The following TENT5B variants were observed in gnomAD, a reference collection of about 807,000 sequenced individuals.
The protein encoded by TENT5B is terminal nucleotidyltransferase 5B.
A neutral mutation model predicts 21.7 loss-of-function variants in TENT5B; 12 were observed. The observed-to-expected ratio is 0.55, with a 90% CI of 0.36 to 0.90. The LOEUF is 0.90. Ranked by LOEUF, TENT5B falls within the 40% of genes least tolerant of loss-of-function variation. The pLI, the probability that TENT5B is intolerant of heterozygous loss-of-function variation, is 0.01. For missense variants in TENT5B, 540 were observed against 601.5 expected (o/e 0.90, Z 1.07); for synonymous variants, 262 against 266.6 (o/e 0.98, Z 0.17).
chr1:27,005,545 G>C lies in TENT5B; in HGVS notation c.*399C>G, dbSNP rs1305331577. ...GTGTGTGGGCTGCAGGCCCTCCAAA[G>C]CTGCTGGGATCACCACAGGCTGGCC... On this transcript the variant is annotated 3_prime_UTR_variant, in exon 2 of 2. Coordinates refer to ENST00000289166, the MANE Select transcript of TENT5B (RefSeq NM_052943.4). The C allele has an allele frequency of 5.2e-6, 1 of 191,340 alleles. No individual in the cohort carries two copies. The highest frequency in any genetic ancestry group is 2.3e-5 in the African/African-American group (1 of 42,728). The allele number at this position is 191,340 out of a possible 1,614,324, so 11.9% of individuals were successfully genotyped here.
chr1:27,006,201 C>T lies in TENT5B; in HGVS notation c.1021G>A (p.Ala341Thr), dbSNP rs927785163. Residue 341 changes from alanine (A) to threonine (T), a missense_variant, in exon 2 of 2, where the codon GCC (alanine) becomes ACC (threonine). By Grantham distance (58) the Ala-to-Thr change is moderately conservative. Transcript: ENST00000289166. This position sits in a 1 kb window ranked among gnomAD's most constrained non-coding sequence, Gnocchi z 9.4. ...FGGADAARRY[A>T]CLVTLHRVVN... is the part of the protein sequence containing the mutation. ...ACCCGGTGCAGTGTCACCAGGCAGG[C>T]GTAACGGCGGGCTGCATCTGCCCCA... The T allele has an allele frequency of 5.6e-6, 9 of 1,612,160 alleles. No individual in the cohort carries two copies. The highest frequency in any genetic ancestry group is 5.5e-5 in the South Asian group (5 of 90,940).
chr1:27,012,601 TGGCCGCAGCCG>T lies in TENT5B; in HGVS notation c.59_69del (p.Thr20AsnfsTer95). The T allele has an allele frequency of 6.5e-7, 1 of 1,531,318 alleles. No individual in the cohort carries two copies. 94.9% of individuals were successfully genotyped at this position (1,531,318 alleles called of 1,614,324 possible). ...GCCGGGGCTGCCGTGGCCACCGCCG[TGGCCGCAGCCG>T]TCCCCACCTGAGCAGCCGCCCGGTC... On this transcript the variant is annotated frameshift_variant, in exon 1 of 2. Coordinates refer to ENST00000289166, the MANE Select transcript of TENT5B (RefSeq NM_052943.4). LOFTEE classifies it high-confidence loss of function.
chr1:27,012,662 C>T lies in TENT5B; in HGVS notation c.9G>A (p.Pro3=). Residue 3 remains proline, a synonymous_variant, in exon 1 of 2, where the codon CCG becomes CCA. Coordinates refer to ENST00000289166, the MANE Select transcript of TENT5B (RefSeq NM_052943.4). Reference sequence around the variant, plus strand: ...CCCTGCGCTCAGCTCCGCTCTCCGACGGCATCATCCGCCCGGCCCCCGGGC... The same window carrying T: ...CCCTGCGCTCAGCTCCGCTCTCCGATGGCATCATCCGCCCGGCCCCCGGGC... MM[P]SESGAERRDR... 2 of 1,465,066 alleles carry T rather than the reference C, an allele frequency of 1.4e-6. No homozygotes were observed. The highest frequency in any genetic ancestry group is 1.5e-5 in the African/African-American group (1 of 66,798). 90.8% of individuals were successfully genotyped at this position (1,465,066 alleles called of 1,614,324 possible). A position where few individuals can be genotyped will look rare whatever the true frequency, so the allele number is the denominator to read the frequency against.
At chr1:27,011,686 A>C (rs1570784839) in intron 1 of TENT5B, among the ~76,000 whole-genome samples, 1 of 152,306 alleles carries the variant, frequency 6.6e-6, no homozygotes. Flanking sequence ...GGCTGTCAGA[A>C]TTCTCTTCTC....
At position 27,006,452 on chromosome 1, in the gene TENT5B, G is replaced by T; in HGVS notation, c.770C>A (p.Ala257Asp). 6.2e-7 allele frequency: 1 copy of T among 1,613,734 alleles called. No homozygotes were observed. Among genetic ancestry groups the T allele is most frequent in the Non-Finnish European group, 8.5e-7 (1 of 1,179,894 alleles). Residue 257 changes from alanine to aspartate, a missense_variant, in exon 2 of 2, where the codon GCC (alanine) becomes GAC (aspartate). Transcript: ENST00000289166. The surrounding 1 kb of genome is among the most constrained non-coding windows in gnomAD (Gnocchi z 9.4). ...GACACGGTGCCGCAGGTGCTCCAGG[G>T]CCTCGGTGAAGTCCCCGTACAGGCT... ...GESLYGDFTE[A>D]LEHLRHRVIA...
Position 27,006,045 on chromosome 1 carries a change from GAGGGCGCCAGGCC to G in TENT5B, c.1164_1176del (p.Ala389GlnfsTer15). 1.2e-6 allele frequency: 2 copies of G among 1,611,578 alleles called. No homozygotes were observed. Among genetic ancestry groups the G allele is most frequent in the South Asian group, 1.1e-5 (1 of 90,878 alleles). On this transcript the variant is annotated frameshift_variant, in exon 2 of 2. Coordinates refer to ENST00000289166, the MANE Select transcript of TENT5B (RefSeq NM_052943.4). LOFTEE classifies it high-confidence loss of function. The surrounding 1 kb of genome is among the most constrained non-coding windows in gnomAD (Gnocchi z 9.4). ...GCTGGCACAACCCCGTCAGTGCCTGGAGGGCGCCAGGCCAGGGCGGCAGTGGCAGCTGGGCCCT... is the reference window on the plus strand; with the variant it reads ...GCTGGCACAACCCCGTCAGTGCCTGGAGGGCGGCAGTGGCAGCTGGGCCCT...
rs58360969 is a variant in TENT5B at position 27,008,977 on chromosome 1, C to CTTTTTTTTT, written c.265-2029_265-2021dup. Among the ~76,000 whole-genome samples the CTTTTTTTTT allele has an allele frequency of 3.5e-4, 11 of 31,006 alleles. 3 individuals are homozygous for CTTTTTTTTT. Among genetic ancestry groups the CTTTTTTTTT allele is most frequent in the African/African-American group, 1.5e-3 (11 of 7,354 alleles). 20.3% of individuals were successfully genotyped at this position (31,006 alleles called of 152,430 possible). A position where few individuals can be genotyped will look rare whatever the true frequency, so the allele number is the denominator to read the frequency against. ...CTCTACCTTCCTTTCCTCCATCCTTCTTTTTTTTTTTTTTTTTTTTTTTTT... is the reference window on the plus strand; with the variant it reads ...CTCTACCTTCCTTTCCTCCATCCTTCTTTTTTTTTTTTTTTTTTTTTTTTTTTTTTTTTT... On this transcript the variant is annotated intron_variant, in intron 1 of 1. Coordinates refer to ENST00000289166, the MANE Select transcript of TENT5B (RefSeq NM_052943.4).
intron 1 of TENT5B, among the ~76,000 whole-genome samples, chr1:27,008,549 G>A (rs1557703380): frequency 6.6e-6 from 1 of 152,218 alleles, no homozygotes; most frequent in Non-Finnish European, 1.5e-5. Context: ...GTGGCAGAAG[G>A]AGGCTAGGCA....
rs752456137 is a variant in TENT5B, at chr1:27,006,814, A to G, written c.408T>C (p.Ser136=). ...LDLVFRVDLR[S]EASFQLTKAV... ...CCTTGGTCAGCTGGAAGGATGCCTC[A>G]CTGCGCAGGTCCACCCGGAACACCA... The change falls in exon 2 of 2, where the codon AGT becomes AGC. Residue 136 remains serine (S), a synonymous_variant. Transcript: ENST00000289166. The surrounding 1 kb of genome is among the most constrained non-coding windows in gnomAD (Gnocchi z 9.4). The G allele has an allele frequency of 6.2e-7, 1 of 1,614,010 alleles. No individual in the cohort carries two copies. The highest frequency in any genetic ancestry group is 1.1e-5 in the South Asian group (1 of 91,076).
At position 27,006,416 on chromosome 1, in the gene TENT5B, C is replaced by A; in HGVS notation, c.806G>T (p.Arg269Leu). The A allele has an allele frequency of 6.2e-7, 1 of 1,613,398 alleles. No homozygotes were observed. Among genetic ancestry groups the A allele is most frequent in the East Asian group, 2.2e-5 (1 of 44,870 alleles). Residue 269 changes from arginine (R) to leucine (L), a missense_variant, in exon 2 of 2, where the codon CGC becomes CTC. Transcript: ENST00000289166. The surrounding 1 kb of genome is among the most constrained non-coding windows in gnomAD (Gnocchi z 9.4). ...EHLRHRVIAT[R>L]SPEEIRGGGL... ...ACCACCTCGGATCTCCTCGGGACTG[C>A]GCGTGGCGATGACACGGTGCCGCAG...
chr1:27,012,286 G>A, intron 1 of TENT5B, 121 bp downstream of exon 1: 1 of 1,446,092 alleles, frequency 6.9e-7, no homozygotes, highest in Non-Finnish European at 9.3e-7. Flanking sequence ...AATTGTTACA[G>A]CCATGTCCCC....
intron 1 of TENT5B, among the ~76,000 whole-genome samples, chr1:27,007,653 G>A (rs958130088): frequency 1.3e-5 from 2 of 151,898 alleles, no homozygotes; most frequent in Admixed American, 1.3e-4. Context: ...CAAAGTGCTG[G>A]GATTATAGGC....
chr1:27,008,402 G>A (rs546688155), intron 1 of TENT5B, among the ~76,000 whole-genome samples: 1 of 152,244 alleles, frequency 6.6e-6, no homozygotes, highest in African/African-American at 2.4e-5. Flanking sequence ...AGAGGCGGGC[G>A]GCGCCCTCCA....
chr1:27,011,046 A>G (rs959873658), intron 1 of TENT5B, among the ~76,000 whole-genome samples: 6 of 152,128 alleles, frequency 3.9e-5, no homozygotes, highest in African/African-American at 1.2e-4. Flanking sequence ...CTGGGGCCAC[A>G]ATCCTGGAGG....
intron 1 of TENT5B, among the ~76,000 whole-genome samples, chr1:27,010,112 CT>C (rs1167030024): frequency 2.0e-5 from 3 of 152,228 alleles, no homozygotes; most frequent in Non-Finnish European, 4.4e-5. Context: ...TGCAGGCCCT[CT>C]GGCTGCAGCT....
rs1270583219 is a variant in TENT5B at position 27,006,456 on chromosome 1, C to T, written c.766G>A (p.Glu256Lys). The T allele has an allele frequency of 9.3e-6, 15 of 1,613,618 alleles. No homozygotes were observed. The East Asian group carries it at 1.1e-4, about 12-fold the overall frequency. Residue 256 changes from glutamate (E) to lysine (K), a missense_variant, in exon 2 of 2, where the codon GAG becomes AAG. Physicochemically the swap from Glu to Lys is moderately conservative, Grantham distance 56. Coordinates refer to ENST00000289166, the MANE Select transcript of TENT5B (RefSeq NM_052943.4). This position sits in a 1 kb window ranked among gnomAD's most constrained non-coding sequence, Gnocchi z 9.4. ...CGGTGCCGCAGGTGCTCCAGGGCCT[C>T]GGTGAAGTCCCCGTACAGGCTTTCG... The part of the protein sequence containing the change: ...TGESLYGDFT[E>K]ALEHLRHRVI...
intron 1 of TENT5B, among the ~76,000 whole-genome samples, chr1:27,007,928 T>C (rs1024136386): frequency 6.6e-6 from 1 of 152,128 alleles, no homozygotes; most frequent in African/African-American, 2.4e-5. Context: ...CCCAGGTTAG[T>C]TGGGATTCTC....
At position 27,012,699 on chromosome 1, in the gene TENT5B, A is replaced by G; in HGVS notation, c.-29T>C. 1 of 1,450,134 alleles carries G rather than the reference A, an allele frequency of 6.9e-7. No individual in the cohort carries two copies. Among genetic ancestry groups the G allele is most frequent in the Non-Finnish European group, 9.0e-7 (1 of 1,116,228 alleles). 89.8% of individuals were successfully genotyped at this position (1,450,134 alleles called of 1,614,324 possible). On this transcript the variant is annotated 5_prime_UTR_variant, in exon 1 of 2. Coordinates refer to ENST00000289166, the MANE Select transcript of TENT5B (RefSeq NM_052943.4). ...CCCGGCCCCCGGGCCCCGACGGCAG[A>G]AACCGTGGGGGTGGTTAAGGGGAGG...
Position 27,012,811 on chromosome 1 carries a change from G to C in TENT5B, c.-141C>G. ...GCAACGACGGCGAGACAAAGCCAGGGAACACCTCAGACGGCGACGACTAAC... is the reference window on the plus strand; with the variant it reads ...GCAACGACGGCGAGACAAAGCCAGGCAACACCTCAGACGGCGACGACTAAC... On this transcript the variant is annotated 5_prime_UTR_variant, in exon 1 of 2. Transcript: ENST00000289166. 1 of 1,126,412 alleles carries C rather than the reference G, an allele frequency of 8.9e-7. No individual in the cohort carries two copies. The highest frequency in any genetic ancestry group is 1.9e-5 in the South Asian group (1 of 52,546). 69.8% of individuals were successfully genotyped at this position (1,126,412 alleles called of 1,614,324 possible).
Sources: gnomAD v4.1 joint callset for allele counts (sites outside exome capture counted in the v4.1 genomes callset) on GRCh38, gnomAD v4.1.1 for gene constraint, Gnocchi (gnomAD v3.1) non-coding constraint, MANE v1.5 for transcripts, NCBI Gene and HGNC (gene_info 2026-07-23, HGNC 2026-07-21) for gene names.